RALYL: variants seen among roughly 807,000 people sequenced by gnomAD.
The protein encoded by RALYL is RALY RNA binding protein like.
A neutral mutation model predicts 35.1 loss-of-function variants in RALYL; 29 were observed. That is an observed-to-expected ratio of 0.83 (90% confidence interval 0.61 to 1.13). RALYL has a LOEUF of 1.13. Ranked by LOEUF, RALYL falls within the 50% of genes most tolerant of loss-of-function variation. The probability of loss-of-function intolerance (pLI) is 0.00; values close to 1 mark genes in which losing one functional copy is unlikely to be tolerated. For synonymous variants in RALYL, 120 were observed against 127.6 expected (o/e 0.94, Z 0.40); for missense variants, 359 against 360.4 (o/e 1.00, Z 0.03).
At chr8:84,457,390 G>A (rs904374681) in intron 1 of RALYL, among the ~76,000 whole-genome samples, 1 of 151,762 alleles carries the variant, frequency 6.6e-6, no homozygotes, top group African/African-American at 2.4e-5. Context: ...TGTTTTCATT[G>A]ATAACGTTCT....
At chr8:84,726,552 A>T (rs1844991059) in intron 2 of RALYL, among the ~76,000 whole-genome samples, 1 of 151,658 alleles carries the variant, frequency 6.6e-6, no homozygotes, top group Non-Finnish European at 1.5e-5. Flanking sequence ...ACAAGTGTTT[A>T]TAAGGTAGAA....
intron 1 of RALYL, among the ~76,000 whole-genome samples, chr8:84,454,268 A>T (rs1356186736): frequency 6.6e-6 from 1 of 152,012 alleles, no homozygotes; most frequent in Non-Finnish European, 1.5e-5. Flanking sequence ...GGTGACTAGC[A>T]TCAGGTAGAA....
intron 2 of RALYL, among the ~76,000 whole-genome samples, chr8:84,674,725 A>G (rs1833872949): frequency 6.6e-6 from 1 of 152,140 alleles, no homozygotes; most frequent in African/African-American, 2.4e-5. Context: ...TTTTTAGCAT[A>G]TGGAGAATAC....
chr8:84,644,370 A>C (rs1375607026), intron 2 of RALYL, among the ~76,000 whole-genome samples: 1 of 152,076 alleles, frequency 6.6e-6, no homozygotes, highest in Non-Finnish European at 1.5e-5. Flanking sequence ...GCTAGGCTTT[A>C]TTCTAGAAAT....
In RALYL at chr8:84,238,283, C is replaced by T. The variant is rs187653364; in HGVS notation, c.-24+53859C>T. On this transcript the variant is annotated intron_variant, in intron 1 of 8. Transcript: ENST00000521268. ...TCTTTGATGATGTCCAGAAATTGAT[C>T]GTATACATATTATGAGGGAAATTAT... is the stretch of plus-strand genomic sequence containing the variant. Among the ~76,000 whole-genome samples, 382 of 151,908 alleles carry T rather than the reference C, an allele frequency of 2.5e-3. 2 individuals are homozygous for T. The highest frequency in any genetic ancestry group is 8.8e-3 in the African/African-American group (363 of 41,434).
intron 1 of RALYL, among the ~76,000 whole-genome samples, chr8:84,235,760 T>C (rs1042167400): frequency 6.7e-6 from 1 of 148,280 alleles, no homozygotes; most frequent in African/African-American, 2.5e-5. Flanking sequence ...TTTTTCTTTT[T>C]CTTTTTCTTT....
chr8:84,593,415 T>A (rs1200120916), intron 2 of RALYL, among the ~76,000 whole-genome samples: 2 of 152,092 alleles, frequency 1.3e-5, no homozygotes, highest in African/African-American at 4.8e-5. Flanking sequence ...TGGCTGACAC[T>A]AAACACTGTG....
chr8:84,464,501 T>C (rs1490423707), intron 1 of RALYL, among the ~76,000 whole-genome samples: 2 of 151,058 alleles, frequency 1.3e-5, no homozygotes, highest in Non-Finnish European at 3.0e-5. Flanking sequence ...TAGTATTCCA[T>C]GGTGTATATG....
chr8:84,397,951 G>T (rs2131905308), intron 1 of RALYL, among the ~76,000 whole-genome samples: 1 of 152,268 alleles, frequency 6.6e-6, no homozygotes, highest in Admixed American at 6.5e-5. Flanking sequence ...TTTCTTCACT[G>T]CCATCTTTCT....
chr8:84,315,756 T>A (rs1843645444), intron 1 of RALYL, among the ~76,000 whole-genome samples: 1 of 151,990 alleles, frequency 6.6e-6, no homozygotes, highest in African/African-American at 2.4e-5. Flanking sequence ...GCTGCATAAT[T>A]TATAGCCAAT....
chr8:84,833,166 G>A lies in RALYL; in HGVS notation c.366-16814G>A, dbSNP rs112913137. 2.7e-3 allele frequency among the ~76,000 whole-genome samples: 410 copies of A among 152,182 alleles called. 1 individual carries two copies. Among genetic ancestry groups the A allele is most frequent in the African/African-American group, 9.6e-3 (399 of 41,530 alleles). The stretch of plus-strand genomic sequence containing the variant: ...ATTTTTTATATAGGGTCATTGTCTT[G>A]AGACTTTTTGCCATCCTAATTTTCT... On this transcript the variant is annotated intron_variant, in intron 4 of 8. Coordinates refer to ENST00000521268, the MANE Select transcript of RALYL (RefSeq NM_173848.7).
chr8:84,621,839 C>T (rs893367936), intron 2 of RALYL, among the ~76,000 whole-genome samples: 1 of 152,180 alleles, frequency 6.6e-6, no homozygotes, highest in Admixed American at 6.5e-5. Context: ...ATAATGTCAA[C>T]TCTAGCCTAT....
chr8:84,191,465 A>G (rs1445612624), intron 1 of RALYL, among the ~76,000 whole-genome samples: 3 of 152,184 alleles, frequency 2.0e-5, no homozygotes, highest in African/African-American at 7.2e-5. Context: ...TGCACAAAGC[A>G]TGGCTTCTTA....
In RALYL at chr8:84,802,507, A is replaced by G. The variant is rs1336937344; in HGVS notation, c.333-2263A>G. On this transcript the variant is annotated intron_variant, in intron 3 of 8. Coordinates refer to ENST00000521268, the MANE Select transcript of RALYL (RefSeq NM_173848.7). ...AGGGGACAACTATTAATAACTAGCT[A>G]GTCAGACAAATCATACTAACCACAG... is the stretch of plus-strand genomic sequence containing the variant. Among the ~76,000 whole-genome samples, 5 of 152,156 alleles carry G rather than the reference A, an allele frequency of 3.3e-5. 1 individual carries two copies. The South Asian group carries it at 6.2e-4, about 19-fold the overall frequency.
chr8:84,221,323 A>G (rs1340364848), intron 1 of RALYL, among the ~76,000 whole-genome samples: 4 of 151,948 alleles, frequency 2.6e-5, no homozygotes, highest in Non-Finnish European at 4.4e-5. Context: ...GCAAAGAGAA[A>G]GAACTGCAAG....
intron 2 of RALYL, among the ~76,000 whole-genome samples, chr8:84,661,430 C>A (rs533849725): frequency 6.6e-6 from 1 of 152,000 alleles, no homozygotes; most frequent in South Asian, 2.1e-4. Flanking sequence ...AGTATGTATA[C>A]TACTATCTTA....
chr8:84,857,693 T>C (rs1837327753), intron 5 of RALYL, among the ~76,000 whole-genome samples: 1 of 151,668 alleles, frequency 6.6e-6, no homozygotes, highest in African/African-American at 2.4e-5. Context: ...GCCTGAGAAA[T>C]GTTTGTTTTT....
intron 6 of RALYL, 51 bp downstream of exon 6, chr8:84,862,504 T>A: frequency 7.2e-7 from 1 of 1,394,552 alleles, no homozygotes; most frequent in Non-Finnish European, 9.6e-7. Flanking sequence ...AGTGATTAAC[T>A]ATCATTGCAC....
intron 1 of RALYL, among the ~76,000 whole-genome samples, chr8:84,323,343 A>T (rs1043420254): frequency 3.9e-5 from 6 of 152,060 alleles, no homozygotes; most frequent in African/African-American, 1.4e-4. Context: ...TATAACTCTA[A>T]TGTATCATAA....
Sources: allele counts gnomAD v4.1 joint callset (sites outside exome capture counted in the v4.1 genomes callset), GRCh38; gene constraint gnomAD v4.1.1; transcripts MANE v1.5; gene names NCBI Gene and HGNC (gene_info 2026-07-23, HGNC 2026-07-21).